Variants in PARG observed in about 807,000 individuals in gnomAD.
PARG encodes the protein mitochondrial poly(ADP-ribose) glycohydrolase.
PARG carries 35 observed loss-of-function variants against 113.0 expected under a neutral mutation model. That is an observed-to-expected ratio of 0.31 (90% CI 0.24 to 0.41). The LOEUF is 0.41. PARG is among the 10% of genes least tolerant of loss of function. The pLI is 1.00. For synonymous variants in PARG, 330 were observed against 409.9 expected (o/e 0.81, Z 2.36); for missense variants, 797 against 1,169.4 (o/e 0.68, Z 4.64).
At chr10:49,868,513 T>A (rs1446313811) in intron 10 of PARG, among the ~76,000 whole-genome samples, 2 of 152,122 alleles carry the variant, frequency 1.3e-5, no homozygotes, top group Admixed American at 6.5e-5. Context: ...CCAATAGCAA[T>A]ACATTCAAGG....
rs537664168 is a variant in PARG, at chr10:49,923,150, T to C, written c.1456-481A>G. ...TCATTTTCATATTTATATGCCTGTA[T>C]ACATACTACTGTGGCCTCTCTTTTT... On this transcript the variant is annotated intron_variant, in intron 4 of 17. Transcript: ENST00000616448. Among the ~76,000 whole-genome samples the C allele has an allele frequency of 1.2e-3, 180 of 152,306 alleles. 1 individual carries two copies. The highest frequency in any genetic ancestry group is 4.1e-3 in the African/African-American group (169 of 41,572).
intron 16 of PARG, among the ~76,000 whole-genome samples, chr10:49,821,688 T>A (rs954015213): frequency 6.6e-6 from 1 of 152,140 alleles, no homozygotes; most frequent in South Asian, 2.1e-4. Flanking sequence ...CCAAAGAGGG[T>A]ATCTTTTTAC....
chr10:49,938,513 C>T (rs1196907946), intron 1 of PARG, among the ~76,000 whole-genome samples: 2 of 152,278 alleles, frequency 1.3e-5, no homozygotes, highest in Non-Finnish European at 1.5e-5. Context: ...TCCACTTTCA[C>T]AAAAAGTCTA....
chr10:49,822,189 T>C (rs1391783212), intron 16 of PARG, among the ~76,000 whole-genome samples: 3 of 152,096 alleles, frequency 2.0e-5, no homozygotes, highest in African/African-American at 7.2e-5. Context: ...ATGGAAGGCA[T>C]TGGTGTATAC....
chr10:49,874,710 C>T (rs549318925), intron 9 of PARG, among the ~76,000 whole-genome samples: 7 of 149,572 alleles, frequency 4.7e-5, no homozygotes, highest in South Asian at 2.2e-4. Context: ...AAAAATTAGC[C>T]GGGCGTGGTG....
chr10:49,886,262 T>G (rs1289818076), intron 7 of PARG, among the ~76,000 whole-genome samples: 1 of 152,244 alleles, frequency 6.6e-6, no homozygotes, highest in Admixed American at 6.5e-5. Flanking sequence ...GACCAATGTT[T>G]GGAATCGATG....
At chr10:49,891,066 G>A (rs1554841393) in intron 7 of PARG, among the ~76,000 whole-genome samples, 1 of 152,226 alleles carries the variant, frequency 6.6e-6, no homozygotes, top group East Asian at 1.9e-4. Context: ...TGTAATCCCA[G>A]CACTTTGGGA....
At chr10:49,888,516 T>C (rs1169903107) in intron 7 of PARG, among the ~76,000 whole-genome samples, 2 of 152,214 alleles carry the variant, frequency 1.3e-5, no homozygotes, top group East Asian at 3.8e-4. Context: ...GGTTGACAAT[T>C]CTTTCCTTAG....
chr10:49,846,387 T>TTA lies in PARG; in HGVS notation c.2354-2756_2354-2755insTA, dbSNP rs1554833340. On this transcript the variant is annotated intron_variant, in intron 13 of 17. Transcript: ENST00000616448. The stretch of plus-strand genomic sequence containing the variant: ...GTGATAGACATGTTTTTTTTTTTTT[T>TTA]ATGTCTTGATAGGGGTGTGGGATAT... Among the ~76,000 whole-genome samples, 61 of 151,644 alleles carry TTA rather than the reference T, an allele frequency of 4.0e-4. 1 individual carries two copies. Among genetic ancestry groups the TTA allele is most frequent in the Middle Eastern group, 6.8e-3 (2 of 292 alleles).
At position 49,823,942 on chromosome 10, in the gene PARG, T is replaced by C. The variant is rs113124696; in HGVS notation, c.2648-3649A>G. ...TCACACCCATTTCTATTAGAGTACA[T>C]ATTGTACCATAAGCACGTGTTAGAC... On this transcript the variant is annotated intron_variant, in intron 16 of 17. Transcript: ENST00000616448. Among the ~76,000 whole-genome samples, 1,340 of 152,310 alleles carry C rather than the reference T, an allele frequency of 8.8e-3. 11 individuals are homozygous for C. The highest frequency in any genetic ancestry group is 0.03 in the African/African-American group (1,251 of 41,568).
chr10:49,941,428 A>T (rs1461937212), intron 1 of PARG, 81 bp downstream of exon 1: 1 of 1,058,502 alleles, frequency 9.4e-7, no homozygotes, highest in African/African-American at 1.6e-5. Flanking sequence ...GAAAGGAGTG[A>T]CTGGAGCCCC....
At chr10:49,928,624 C>A (rs1251478503) in intron 4 of PARG, among the ~76,000 whole-genome samples, 1 of 152,130 alleles carries the variant, frequency 6.6e-6, no homozygotes, top group African/African-American at 2.4e-5. Flanking sequence ...TCTGCCTTAG[C>A]CTCATAAGTA....
chr10:49,939,328 CCA>C (rs1398851851), intron 1 of PARG, among the ~76,000 whole-genome samples: 1 of 152,190 alleles, frequency 6.6e-6, no homozygotes, highest in Non-Finnish European at 1.5e-5. Flanking sequence ...CCTTGACTAT[CCA>C]GTGTTCTACA....
At position 49,934,139 on chromosome 10, in the gene PARG, ATTG is replaced by A. The variant is rs1389934623; in HGVS notation, c.306_308del (p.Asn103del). On this transcript the variant is annotated inframe_deletion, in exon 3 of 18. Transcript: ENST00000616448. ...AACTCATCATGGATTCTATTCTTGT[ATTG>A]TTGTTTTCTTTACTATCCAAACTAC... The A allele has an allele frequency of 3.4e-5, 38 of 1,118,808 alleles. No individual in the cohort carries two copies. The highest frequency in any genetic ancestry group is 1.0e-4 in the Admixed American group (6 of 58,942). The allele number at this position is 1,118,808 out of a possible 1,614,324, so 69.3% of individuals were successfully genotyped here.
chr10:49,858,288 T>C (rs1483734722), intron 12 of PARG, among the ~76,000 whole-genome samples: 2 of 135,908 alleles, frequency 1.5e-5, no homozygotes, highest in African/African-American at 5.7e-5. Flanking sequence ...ATGTAAGAAA[T>C]AGCAACCATC....
At chr10:49,903,306 A>T (rs1554844101) in intron 7 of PARG, among the ~76,000 whole-genome samples, 1 of 152,140 alleles carries the variant, frequency 6.6e-6, no homozygotes, top group Non-Finnish European at 1.5e-5. Context: ...AAAAGACTAT[A>T]GTAAAGGTTA....
chr10:49,906,875 G>A (rs1848617757), intron 7 of PARG, among the ~76,000 whole-genome samples: 1 of 151,980 alleles, frequency 6.6e-6, no homozygotes, highest in Non-Finnish European at 1.5e-5. Context: ...CAAGAGAAGT[G>A]AGGCTGGAAT....
intron 7 of PARG, among the ~76,000 whole-genome samples, chr10:49,892,991 C>T (rs201356084): frequency 2.0e-5 from 3 of 152,260 alleles, no homozygotes; most frequent in East Asian, 3.9e-4. Context: ...TTGATAGATA[C>T]CTGGGCTGTC....
At chr10:49,848,210 G>A (rs1845600100) in intron 13 of PARG, among the ~76,000 whole-genome samples, 1 of 144,238 alleles carries the variant, frequency 6.9e-6, no homozygotes, top group South Asian at 2.3e-4. Context: ...TTATCTGGGC[G>A]TGGTGGCGTG....
Sources: gnomAD v4.1 joint callset for allele counts (sites outside exome capture counted in the v4.1 genomes callset) on GRCh38, gnomAD v4.1.1 for gene constraint, MANE v1.5 for transcripts, NCBI Gene and HGNC (gene_info 2026-07-23, HGNC 2026-07-21) for gene names.